The following TCF4 variants were observed in gnomAD, a reference collection of about 807,000 sequenced individuals.
TCF4 encodes transcription factor 4.
TCF4 carries 3 observed loss-of-function variants against 82.1 expected under a neutral mutation model. The ratio of observed to expected loss-of-function variants is 0.04; its 90% CI spans 0.02 to 0.09. The LOEUF is 0.09. TCF4 is among the 10% of genes least tolerant of loss of function. The probability of loss-of-function intolerance (pLI) is 1.00; values close to 1 mark genes in which losing one functional copy is unlikely to be tolerated. For synonymous variants in TCF4, 276 were observed against 309.6 expected (o/e 0.89, Z 1.14); for missense variants, 518 against 852.7 (o/e 0.61, Z 4.89).
At chr18:55,267,601 A>T (rs970777470) in intron 11 of TCF4, 4 of 152,108 alleles carry the variant, frequency 2.6e-5, no homozygotes, top group African/African-American at 7.2e-5. Flanking sequence ...ACATTCTAGA[A>T]TGTTCTCCCT....
At chr18:55,461,178 T>C (rs2095861894) in intron 4 of TCF4, 63 bp from the exon 5 acceptor site, 9 of 1,358,890 alleles carry the variant, frequency 6.6e-6, no homozygotes, top group Admixed American at 1.9e-5. Flanking sequence ...TAAACAAACA[T>C]AGCTCCACTA....
chr18:55,472,888 A>C (rs2096215478), intron 3 of TCF4, among the ~76,000 whole-genome samples: 1 of 152,228 alleles, frequency 6.6e-6, no homozygotes, highest in Admixed American at 6.5e-5. Context: ...GATATATCAC[A>C]GAGTGCAAGA....
chr18:55,472,878 G>C (rs945917167), intron 3 of TCF4, among the ~76,000 whole-genome samples: 2 of 152,124 alleles, frequency 1.3e-5, no homozygotes, highest in East Asian at 3.9e-4. Context: ...ACCTTCTAAA[G>C]ATATATCACA....
intron 3 of TCF4, among the ~76,000 whole-genome samples, chr18:55,490,521 T>C (rs1237582401): frequency 1.3e-5 from 2 of 152,160 alleles, no homozygotes; most frequent in Non-Finnish European, 2.9e-5. Context: ...CACGTTGATA[T>C]GAATAGTACA....
At chr18:55,275,022 G>C (rs1486529258) in intron 10 of TCF4, among the ~76,000 whole-genome samples, 1 of 152,084 alleles carries the variant, frequency 6.6e-6, no homozygotes, top group Non-Finnish European at 1.5e-5. Context: ...GCAAAACACA[G>C]TATGAGTGGC....
intron 5 of TCF4, among the ~76,000 whole-genome samples, chr18:55,457,033 A>G (rs1190020215): frequency 6.6e-6 from 1 of 152,264 alleles, no homozygotes; most frequent in Non-Finnish European, 1.5e-5. Context: ...CCTGGCATGT[A>G]TCTACACAAT....
At chr18:55,362,340 AGG>A (rs2085445658) in intron 6 of TCF4, among the ~76,000 whole-genome samples, 1 of 44,972 alleles carries the variant, frequency 2.2e-5, no homozygotes, top group African/African-American at 9.6e-5. Flanking sequence ...AAAAAAAAAG[AGG>A]AAGGAAGGAA....
chr18:55,312,579 T>C (rs1173901288), intron 8 of TCF4, among the ~76,000 whole-genome samples: 1 of 152,172 alleles, frequency 6.6e-6, no homozygotes, highest in Non-Finnish European at 1.5e-5. Flanking sequence ...TAATGATTCA[T>C]GTAAGTCATC....
chr18:55,351,086 C>T (rs1054437359), intron 6 of TCF4, 83 bp from the exon 7 acceptor site: 4 of 1,560,218 alleles, frequency 2.6e-6, no homozygotes, highest in African/African-American at 2.7e-5. Context: ...AGTACTTAAA[C>T]CAATGCAATA....
At chr18:55,305,478 T>C (rs1405900634) in intron 8 of TCF4, among the ~76,000 whole-genome samples, 1 of 152,282 alleles carries the variant, frequency 6.6e-6, no homozygotes, top group East Asian at 1.9e-4. Context: ...AAACCTAATC[T>C]ATTACTTTTA....
chr18:55,239,431 T>C (rs1387976547), intron 15 of TCF4, among the ~76,000 whole-genome samples: 2 of 152,074 alleles, frequency 1.3e-5, no homozygotes, highest in Non-Finnish European at 2.9e-5. Flanking sequence ...CACTGAACAA[T>C]TATATAGGAG....
chr18:55,538,337 A>G (rs2097136991), intron 3 of TCF4, among the ~76,000 whole-genome samples: 1 of 152,188 alleles, frequency 6.6e-6, no homozygotes, highest in Non-Finnish European at 1.5e-5. Context: ...TCATGCTCCT[A>G]GACTTTCTCA....
chr18:55,449,688 C>T (rs966752324), intron 5 of TCF4, among the ~76,000 whole-genome samples: 1 of 152,214 alleles, frequency 6.6e-6, no homozygotes, highest in African/African-American at 2.4e-5. Flanking sequence ...CAAGCCAATG[C>T]TGATAATACA....
chr18:55,413,755 G>A (rs2094437277), intron 5 of TCF4, among the ~76,000 whole-genome samples: 2 of 152,176 alleles, frequency 1.3e-5, no homozygotes, highest in African/African-American at 2.4e-5. Flanking sequence ...GGAGTAGCCA[G>A]AAGAATGACC....
chr18:55,413,831 T>G (rs2094438622), intron 5 of TCF4, among the ~76,000 whole-genome samples: 1 of 152,210 alleles, frequency 6.6e-6, no homozygotes, highest in South Asian at 2.1e-4. Context: ...AGACCACAAT[T>G]TTTAATCCTG....
chr18:55,407,577 C>G (rs1231703599), intron 5 of TCF4, among the ~76,000 whole-genome samples: 1 of 149,058 alleles, frequency 6.7e-6, no homozygotes, highest in African/African-American at 2.5e-5. Context: ...AAATGGCAAT[C>G]AATAAAGGAT....
Position 55,228,828 on chromosome 18 carries a change from G to C in TCF4, c.1879+19C>G, listed in dbSNP as rs761728807. The C allele has an allele frequency of 6.2e-6, 10 of 1,613,456 alleles. No individual in the cohort carries two copies. The highest frequency in any genetic ancestry group is 1.3e-5 in the African/African-American group (1 of 74,906). ...ACAAGCTCCTCACGAGCTCTGCAAG[G>C]AGGCTGGCCTGCACTGACCTCGGAC... is the stretch of plus-strand genomic sequence containing the variant. On this transcript the variant is annotated intron_variant, in intron 18 of 19. Transcript: ENST00000354452.
chr18:55,261,217 C>G (rs577992105), intron 12 of TCF4: 41 of 538,166 alleles, frequency 7.6e-5, no homozygotes, highest in Non-Finnish European at 1.2e-4. Flanking sequence ...ACCCAAAGAC[C>G]AGGAGAATAT....
chr18:55,334,612 A>G (rs1053708859), intron 8 of TCF4, among the ~76,000 whole-genome samples: 2 of 152,190 alleles, frequency 1.3e-5, no homozygotes, highest in African/African-American at 4.8e-5. Context: ...ATGAGAGTAT[A>G]TGCTTCAAAA....
Sources: allele counts gnomAD v4.1 joint callset (sites outside exome capture counted in the v4.1 genomes callset), GRCh38; gene constraint gnomAD v4.1.1; transcripts MANE v1.5; gene names NCBI Gene and HGNC (gene_info 2026-07-23, HGNC 2026-07-21).